The following RANBP17 variants were observed in gnomAD, a reference collection of about 807,000 sequenced individuals.
RANBP17 encodes the protein ran-binding protein 17.
A neutral mutation model predicts 141.2 loss-of-function variants in RANBP17; 158 were observed. The ratio of observed to expected loss-of-function variants is 1.12; its 90% CI spans 0.98 to 1.28. The LOEUF is 1.28. Among genes scored for constraint, RANBP17 ranks in the 50% most tolerant of loss-of-function variants. The pLI, the probability that RANBP17 is intolerant of heterozygous loss-of-function variation, is 0.00. For missense variants in RANBP17, 1,438 were observed against 1,290.7 expected, an observed-to-expected ratio of 1.11 and a Z score of -1.75; for synonymous variants, 430 against 450.0, an observed-to-expected ratio of 0.96 and a Z score of 0.56.
intron 14 of RANBP17, among the ~76,000 whole-genome samples, chr5:171,108,643 C>T (rs1755013270): frequency 6.6e-6 from 1 of 152,118 alleles, no homozygotes; most frequent in African/African-American, 2.4e-5. Flanking sequence ...AACTCCTGAA[C>T]TCAAGTGATC....
intron 14 of RANBP17, among the ~76,000 whole-genome samples, chr5:171,024,585 A>G (rs1239901962): frequency 6.6e-6 from 1 of 152,208 alleles, no homozygotes; most frequent in Non-Finnish European, 1.5e-5. Flanking sequence ...CCTGGTATAT[A>G]CTTTCTATCC....
chr5:171,055,123 G>T (rs1783253040), intron 14 of RANBP17, among the ~76,000 whole-genome samples: 1 of 152,166 alleles, frequency 6.6e-6, no homozygotes, highest in South Asian at 2.1e-4. Flanking sequence ...CCCAAGTAAA[G>T]AGAGCTTTCC....
At chr5:170,958,924 A>AT (rs1775933232) in intron 13 of RANBP17, among the ~76,000 whole-genome samples, 1 of 152,134 alleles carries the variant, frequency 6.6e-6, no homozygotes, top group Admixed American at 6.5e-5. Context: ...TTCTCCAGGG[A>AT]TTTTGTCTTA....
chr5:170,994,441 G>A (rs983881988), intron 14 of RANBP17, among the ~76,000 whole-genome samples: 12 of 152,088 alleles, frequency 7.9e-5, no homozygotes, highest in Non-Finnish European at 1.0e-4. Flanking sequence ...GTAGGGATGA[G>A]GTAAGATTAT....
intron 14 of RANBP17, among the ~76,000 whole-genome samples, chr5:171,131,823 G>T (rs571883694): frequency 6.6e-6 from 1 of 152,100 alleles, no homozygotes; most frequent in Admixed American, 6.5e-5. Flanking sequence ...TTTAATGATG[G>T]TATAACTATT....
At chr5:171,075,846 G>C (rs1784883910) in intron 14 of RANBP17, among the ~76,000 whole-genome samples, 1 of 152,120 alleles carries the variant, frequency 6.6e-6, no homozygotes, top group South Asian at 2.1e-4. Context: ...CCAGCTACTT[G>C]GGAGGCTGAG....
chr5:170,915,287 T>C lies in RANBP17; in HGVS notation c.834+1047T>C, dbSNP rs187572653. Among the ~76,000 whole-genome samples, 164 of 152,316 alleles carry C rather than the reference T, an allele frequency of 1.1e-3. 2 individuals carry two copies. Among genetic ancestry groups the C allele is most frequent in the African/African-American group, 3.5e-3 (147 of 41,592 alleles). On this transcript the variant is annotated intron_variant, in intron 8 of 27. Transcript: ENST00000523189. ...TGTCCTATTTATTGTATGATACTTA[T>C]CTCACTTAATCCTCAAAGTGGCCCT...
At chr5:170,878,611 C>A (rs548621744) in intron 2 of RANBP17, among the ~76,000 whole-genome samples, 1 of 152,078 alleles carries the variant, frequency 6.6e-6, no homozygotes, top group African/African-American at 2.4e-5. Context: ...AAGGATGATT[C>A]GAAAGCATGC....
intron 24 of RANBP17, among the ~76,000 whole-genome samples, chr5:171,248,527 C>T (rs1159161223): frequency 6.6e-6 from 1 of 152,190 alleles, no homozygotes; most frequent in African/African-American, 2.4e-5. Context: ...GTGCCTGCCA[C>T]AGACTACTGC....
At chr5:171,120,373 C>T (rs1282594135) in intron 14 of RANBP17, among the ~76,000 whole-genome samples, 2 of 152,218 alleles carry the variant, frequency 1.3e-5, no homozygotes, top group South Asian at 4.1e-4. Context: ...GAGTAAAAAA[C>T]CTTAGCAGTT....
chr5:171,248,221 G>A (rs1323054736), intron 24 of RANBP17, among the ~76,000 whole-genome samples: 1 of 152,088 alleles, frequency 6.6e-6, no homozygotes, highest in Non-Finnish European at 1.5e-5. Context: ...AAAAAAATTA[G>A]CTGGGCGTGG....
intron 20 of RANBP17, among the ~76,000 whole-genome samples, chr5:171,209,754 T>C (rs1762769510): frequency 6.6e-6 from 1 of 152,184 alleles, no homozygotes; most frequent in Non-Finnish European, 1.5e-5. Flanking sequence ...TTGCCAGACA[T>C]AAGAGGAAAG....
intron 14 of RANBP17, among the ~76,000 whole-genome samples, chr5:171,148,531 A>T (rs890652232): frequency 1.3e-5 from 2 of 152,180 alleles, no homozygotes; most frequent in African/African-American, 2.4e-5. Flanking sequence ...TGATGCTATC[A>T]GATACTTGTA....
intron 5 of RANBP17, among the ~76,000 whole-genome samples, chr5:170,907,021 C>T (rs927225985): frequency 6.6e-6 from 1 of 151,838 alleles, no homozygotes. Context: ...ATTTCTGAAC[C>T]AGGAAGTAGG....
chr5:171,116,405 G>A (rs1012952098), intron 14 of RANBP17, among the ~76,000 whole-genome samples: 8 of 152,068 alleles, frequency 5.3e-5, no homozygotes, highest in African/African-American at 1.9e-4. Flanking sequence ...GTGGAAGGAC[G>A]GGGAGAAGTA....
chr5:171,116,597 G>A (rs1013384139), intron 14 of RANBP17, among the ~76,000 whole-genome samples: 2 of 152,102 alleles, frequency 1.3e-5, no homozygotes, highest in African/African-American at 4.8e-5. Flanking sequence ...GAGATGTTGT[G>A]ATACATATAA....
At chr5:170,979,479 C>T (rs1353358990) in intron 14 of RANBP17, among the ~76,000 whole-genome samples, 1 of 152,136 alleles carries the variant, frequency 6.6e-6, no homozygotes, top group Admixed American at 6.5e-5. Context: ...CTGGCTGTGT[C>T]CCCACCCAAA....
chr5:171,272,668 G>A (rs1338859923), intron 25 of RANBP17, among the ~76,000 whole-genome samples: 1 of 152,184 alleles, frequency 6.6e-6, no homozygotes, highest in African/African-American at 2.4e-5. Context: ...TCTAAAGTAT[G>A]TATGTTTTGA....
At chr5:171,243,996 T>G (rs989986985) in intron 24 of RANBP17, among the ~76,000 whole-genome samples, 1 of 151,950 alleles carries the variant, frequency 6.6e-6, no homozygotes, top group African/African-American at 2.4e-5. Context: ...GAGAATCACA[T>G]GCACCCAGAT....
Sources: allele counts gnomAD v4.1 joint callset (sites outside exome capture counted in the v4.1 genomes callset), GRCh38; gene constraint gnomAD v4.1.1; transcripts MANE v1.5; gene names NCBI Gene and HGNC (gene_info 2026-07-23, HGNC 2026-07-21).